GLI2: variants seen among roughly 807,000 people sequenced by gnomAD.
The protein encoded by GLI2 is GLI family zinc finger 2, also known as transcription activator GLI2.
A neutral mutation model predicts 78.9 loss-of-function variants in GLI2; 22 were observed. That is an observed-to-expected ratio of 0.28 (90% CI 0.20 to 0.40). GLI2 has a LOEUF of 0.40. Among genes scored for constraint, GLI2 ranks in the 10% least tolerant of loss-of-function variants. The pLI is 1.00. For synonymous variants in GLI2, 974 were observed against 963.7 expected, an observed-to-expected ratio of 1.01 and a Z score of -0.20; for missense variants, 2,097 against 2,213.2, an observed-to-expected ratio of 0.95 and a Z score of 1.05.
chr2:120,863,571 T>A (rs2104648559), intron 2 of GLI2, among the ~76,000 whole-genome samples: 1 of 152,370 alleles, frequency 6.6e-6, no homozygotes, highest in Middle Eastern at 3.4e-3. Context: ...TAAATAGAGG[T>A]TTTAACTGCA....
intron 1 of GLI2, among the ~76,000 whole-genome samples, chr2:120,792,833 A>G (rs577035101): frequency 5.3e-5 from 8 of 152,170 alleles, no homozygotes; most frequent in African/African-American, 1.2e-4. Context: ...ATGTTGGTCA[A>G]GACGGTCTTC....
intron 1 of GLI2, among the ~76,000 whole-genome samples, chr2:120,784,676 C>CGA (rs1023517248): frequency 3.3e-5 from 5 of 152,080 alleles, no homozygotes; most frequent in African/African-American, 1.2e-4. Flanking sequence ...CTCCTGCTCG[C>CGA]CCCCCAGACA....
intron 5 of GLI2, 71 bp from the exon 6 acceptor site, chr2:120,968,643 C>T: frequency 9.2e-7 from 1 of 1,091,578 alleles, no homozygotes; most frequent in South Asian, 1.2e-5. Context: ...CTCTTCCTAT[C>T]CCCCACCCAC....
chr2:120,769,851 G>A (rs988691104), intron 1 of GLI2, among the ~76,000 whole-genome samples: 14 of 151,960 alleles, frequency 9.2e-5, no homozygotes, highest in African/African-American at 3.4e-4. Context: ...TGGGCTTTAA[G>A]TGTGTGGAAG....
chr2:120,780,381 T>A (rs756100276), intron 1 of GLI2, among the ~76,000 whole-genome samples: 4 of 152,006 alleles, frequency 2.6e-5, no homozygotes, highest in Admixed American at 6.5e-5. Context: ...CCATCCCCAC[T>A]GAAATATAGG....
In GLI2 at chr2:120,849,164, T is replaced by C. The variant is rs186491073; in HGVS notation, c.148+51696T>C. Among the ~76,000 whole-genome samples the C allele has an allele frequency of 5.0e-3, 761 of 152,222 alleles. 3 individuals are homozygous for C. The highest frequency in any genetic ancestry group is 6.8e-3 in the Non-Finnish European group (464 of 68,012). On this transcript the variant is annotated intron_variant, in intron 2 of 13. Transcript: ENST00000361492. Reference sequence around the variant, plus strand: ...GAGAGACAGAAAGTAGAATCGCAGCTGTCAGCGGCTGGGGAAGAGGGGAAT... The same window carrying C: ...GAGAGACAGAAAGTAGAATCGCAGCCGTCAGCGGCTGGGGAAGAGGGGAAT...
chr2:120,749,067 G>C (rs1326441500), intron 1 of GLI2, among the ~76,000 whole-genome samples: 1 of 152,130 alleles, frequency 6.6e-6, no homozygotes, highest in African/African-American at 2.4e-5. Flanking sequence ...TGAAGCCAAG[G>C]GTCATGTCCT....
intron 1 of GLI2, among the ~76,000 whole-genome samples, chr2:120,778,991 C>T (rs1233178777): frequency 6.6e-6 from 1 of 152,126 alleles, no homozygotes; most frequent in Non-Finnish European, 1.5e-5. Context: ...TAAGAGGCCC[C>T]ATCATGGCTG....
chr2:120,807,390 A>G (rs1415717565), intron 2 of GLI2, among the ~76,000 whole-genome samples: 2 of 152,084 alleles, frequency 1.3e-5, no homozygotes, highest in Admixed American at 6.5e-5. Flanking sequence ...CCTGGCACAC[A>G]GTTGGCATTC....
chr2:120,806,640 C>A (rs1346532875), intron 2 of GLI2, among the ~76,000 whole-genome samples: 1 of 152,164 alleles, frequency 6.6e-6, no homozygotes, highest in Non-Finnish European at 1.5e-5. Context: ...CATATGGGGT[C>A]TGAAGGACAA....
chr2:120,921,169 C>T (rs544928827), intron 2 of GLI2, among the ~76,000 whole-genome samples: 31 of 152,210 alleles, frequency 2.0e-4, no homozygotes, highest in Admixed American at 2.0e-3. Flanking sequence ...CTGAAAGAGA[C>T]CACCAATGAG....
chr2:120,742,759 G>T (rs574007699), intron 1 of GLI2, among the ~76,000 whole-genome samples: 1 of 151,548 alleles, frequency 6.6e-6, no homozygotes, highest in Non-Finnish European at 1.5e-5. Context: ...TTGAGCTCAT[G>T]ATTTCTTTTC....
Position 120,927,486 on chromosome 2 carries a change from T to A in GLI2, c.254+20T>A. On this transcript the variant is annotated intron_variant, in intron 3 of 13. Transcript: ENST00000361492. ...GCACGGGTAAGTCCTGCCCTCTGCC[T>A]GCTGCTCCTGGCGTGCAGTCACCTG... is the stretch of plus-strand genomic sequence containing the variant. 6.6e-7 allele frequency: 1 copy of A among 1,524,132 alleles called. No homozygotes were observed. The highest frequency in any genetic ancestry group is 1.1e-5 in the South Asian group (1 of 89,342). The allele number at this position is 1,524,132 out of a possible 1,614,324, so 94.4% of individuals were successfully genotyped here. A position where few individuals can be genotyped will look rare whatever the true frequency, so the allele number is the denominator to read the frequency against.
At chr2:120,974,911 G>T in intron 8 of GLI2, 64 bp from the exon 9 acceptor site, 2 of 1,613,874 alleles carry the variant, frequency 1.2e-6, no homozygotes, top group South Asian at 1.1e-5. Flanking sequence ...GACTAACAGC[G>T]ACCTCTTTTC....
At chr2:120,966,936 G>A (rs967056684) in intron 5 of GLI2, among the ~76,000 whole-genome samples, 3 of 152,222 alleles carry the variant, frequency 2.0e-5, no homozygotes, top group East Asian at 1.9e-4. Flanking sequence ...GGGAGCACCC[G>A]CCAAGAGGCT....
chr2:120,916,803 T>G (rs1218035606), intron 2 of GLI2, among the ~76,000 whole-genome samples: 1 of 152,172 alleles, frequency 6.6e-6, no homozygotes, highest in African/African-American at 2.4e-5. Context: ...GGAGCCAGGC[T>G]TGATGGGGCC....
intron 4 of GLI2, among the ~76,000 whole-genome samples, chr2:120,953,842 T>C (rs1281527449): frequency 2.0e-5 from 3 of 152,056 alleles, no homozygotes; most frequent in Non-Finnish European, 2.9e-5. Context: ...CAGAGTGAGA[T>C]CCTGTCTCTA....
rs1449270140 is a variant in GLI2 at position 120,770,787 on chromosome 2, T to C, written c.-30-26504T>C. Among the ~76,000 whole-genome samples, 6 of 152,202 alleles carry C rather than the reference T, an allele frequency of 3.9e-5. No homozygotes were observed. In the South Asian group the frequency reaches 1.0e-3, roughly 26 times the overall value. ...AGCAGCGGGCCAGGTGCCTGTTGGG[T>C]GTTCTCAAACTATAATGATTATGTT... On this transcript the variant is annotated intron_variant, in intron 1 of 13. Coordinates refer to ENST00000361492, the MANE Select transcript of GLI2 (RefSeq NM_001374353.1).
intron 2 of GLI2, among the ~76,000 whole-genome samples, chr2:120,807,428 T>G (rs1252012032): frequency 1.3e-5 from 2 of 152,146 alleles, no homozygotes; most frequent in African/African-American, 4.8e-5. Context: ...CTGTTAGTAT[T>G]ATGGTTCTTG....
Sources: gnomAD v4.1 joint callset for allele counts (sites outside exome capture counted in the v4.1 genomes callset) on GRCh38, gnomAD v4.1.1 for gene constraint, MANE v1.5 for transcripts, NCBI Gene and HGNC (gene_info 2026-07-23, HGNC 2026-07-21) for gene names.